CUL2: variants seen among roughly 807,000 people sequenced by gnomAD.
CUL2 encodes the protein cullin 2.
In CUL2, 22 loss-of-function variants were observed where a neutral mutation model predicts 110.2. That is an observed-to-expected ratio of 0.20 (90% CI 0.14 to 0.28). The LOEUF is 0.28. Ranked by LOEUF, CUL2 falls within the 10% of genes least tolerant of loss-of-function variation. The pLI is 1.00. For missense variants in CUL2, 631 were observed against 905.5 expected (o/e 0.70, Z 3.89); for synonymous variants, 279 against 293.2 (o/e 0.95, Z 0.49).
At chr10:35,012,101 T>C (rs1292326412) in intron 19 of CUL2, 137 bp from the exon 20 acceptor site, 1 of 583,416 alleles carries the variant, frequency 1.7e-6, no homozygotes, top group East Asian at 2.9e-5. Flanking sequence ...TCGTCCTGGC[T>C]GGAGTTCAGT....
chr10:35,052,481 A>C (rs1009550680), intron 5 of CUL2, among the ~76,000 whole-genome samples: 3 of 152,214 alleles, frequency 2.0e-5, no homozygotes, highest in Non-Finnish European at 2.9e-5. Flanking sequence ...CATGAGCATA[A>C]GATTTTTCTC....
chr10:35,060,055 T>C (rs1253556560), intron 4 of CUL2, among the ~76,000 whole-genome samples: 1 of 151,370 alleles, frequency 6.6e-6, no homozygotes, highest in East Asian at 1.9e-4. Context: ...AGCTCAGGAG[T>C]TCAAGACCAT....
At chr10:35,071,112 A>G in intron 2 of CUL2, 87 bp downstream of exon 2, 1 of 1,304,826 alleles carries the variant, frequency 7.7e-7, no homozygotes, top group South Asian at 1.3e-5. Context: ...TACATGGGAA[A>G]GTTCTTCCAT....
chr10:35,097,848 A>G (rs1170173380), intron 2 of CUL2, among the ~76,000 whole-genome samples: 1 of 151,990 alleles, frequency 6.6e-6, no homozygotes, highest in African/African-American at 2.4e-5. Flanking sequence ...AGTCCCAGCT[A>G]CTGGGGAGGC....
In CUL2 at chr10:35,016,522, C is replaced by T. The variant is rs2085037594; in HGVS notation, c.1685-128G>A. On this transcript the variant is annotated intron_variant, in intron 17 of 20. Coordinates refer to ENST00000374749, the MANE Select transcript of CUL2 (RefSeq NM_003591.4). ...TTATTAAATTGTTGTAAAGCCACTG[C>T]TGTTAACAAGGTAGTCATTTTGTTT... is the stretch of plus-strand genomic sequence containing the variant. 6.9e-6 allele frequency: 5 copies of T among 721,448 alleles called. 1 individual carries two copies. Among genetic ancestry groups the T allele is most frequent in the South Asian group, 3.8e-5 (2 of 52,732 alleles). 44.7% of individuals were successfully genotyped at this position (721,448 alleles called of 1,614,324 possible).
intron 2 of CUL2, among the ~76,000 whole-genome samples, chr10:35,099,944 C>G (rs1169326018): frequency 6.6e-6 from 1 of 151,938 alleles, no homozygotes; most frequent in Non-Finnish European, 1.5e-5. Context: ...GACTAATATA[C>G]TAAGAATTGT....
chr10:35,044,960 A>C, intron 6 of CUL2, 92 bp from the exon 7 acceptor site: 2 of 827,788 alleles, frequency 2.4e-6, no homozygotes, highest in South Asian at 3.2e-5. Context: ...TCCTTATTCT[A>C]TTGGTCTAAT....
chr10:35,116,191 A>T (rs1434067234), intron 1 of CUL2, among the ~76,000 whole-genome samples: 1 of 151,878 alleles, frequency 6.6e-6, no homozygotes, highest in African/African-American at 2.4e-5. Flanking sequence ...AAAAATACAA[A>T]AATTAGCCAG....
chr10:35,082,234 G>A (rs941800736), intron 1 of CUL2, among the ~76,000 whole-genome samples: 13 of 152,054 alleles, frequency 8.5e-5, no homozygotes, highest in African/African-American at 1.4e-4. Flanking sequence ...AAAAAGTTCC[G>A]ATATATGCTA....
At chr10:35,010,575 G>C (rs570587332) in intron 20 of CUL2, 133 bp from the exon 21 acceptor site, 1 of 720,920 alleles carries the variant, frequency 1.4e-6, no homozygotes, top group African/African-American at 1.9e-5. Flanking sequence ...TATGAAAATA[G>C]GAACTACAAT....
At chr10:35,061,174 A>G (rs992530933) in intron 3 of CUL2, among the ~76,000 whole-genome samples, 1 of 152,206 alleles carries the variant, frequency 6.6e-6, no homozygotes, top group Non-Finnish European at 1.5e-5. Context: ...TGAAGCATCC[A>G]TAATAGAGAA....
At position 35,031,561 on chromosome 10, in the gene CUL2, T is replaced by A; in HGVS notation, c.1229A>T (p.Glu410Val). 1 of 1,614,152 alleles carries A rather than the reference T, an allele frequency of 6.2e-7. No homozygotes were observed. Among genetic ancestry groups the A allele is most frequent in the Non-Finnish European group, 8.5e-7 (1 of 1,179,992 alleles). Reference sequence around the variant, plus strand: ...GAAGCTCGTGAGCCTGTCTTCCACTTCATTCTCTGTCATCCCTTTCGCTGA... The same window carrying A: ...GAAGCTCGTGAGCCTGTCTTCCACTACATTCTCTGTCATCCCTTTCGCTGA... ...KKSAKGMTEN[E>V]VEDRLTSFIT... The change falls in exon 13 of 21, where the codon GAA becomes GTA. Residue 410 changes from glutamate to valine, a missense_variant. Transcript: ENST00000374749. This position sits in a 1 kb window ranked among gnomAD's most constrained non-coding sequence, Gnocchi z 4.4.
intron 1 of CUL2, among the ~76,000 whole-genome samples, chr10:35,082,421 A>G (rs991685378): frequency 6.6e-6 from 1 of 152,152 alleles, no homozygotes; most frequent in Non-Finnish European, 1.5e-5. Flanking sequence ...GCTACTGCCT[A>G]ATGGTTGTAC....
intron 1 of CUL2, among the ~76,000 whole-genome samples, chr10:35,072,494 G>A (rs1351289614): frequency 1.3e-5 from 2 of 151,612 alleles, no homozygotes; most frequent in African/African-American, 2.4e-5. Flanking sequence ...TGAACCTCCC[G>A]AGTAGCTGGG....
chr10:35,060,806 A>C (rs1448366809), intron 4 of CUL2, 68 bp downstream of exon 4: 2 of 1,269,374 alleles, frequency 1.6e-6, no homozygotes, highest in African/African-American at 3.0e-5. Context: ...CAATAAAAAA[A>C]TTATCCTGTC....
chr10:35,073,432 G>A (rs755013132), intron 1 of CUL2, among the ~76,000 whole-genome samples: 11 of 151,974 alleles, frequency 7.2e-5, no homozygotes, highest in Admixed American at 3.9e-4. Context: ...CAAATGATCC[G>A]GAATCAGGCC....
intron 6 of CUL2, among the ~76,000 whole-genome samples, chr10:35,049,203 T>C (rs896365772): frequency 1.3e-5 from 2 of 152,092 alleles, no homozygotes; most frequent in African/African-American, 4.8e-5. Flanking sequence ...GAGCCATGGG[T>C]AGAGTGGGAA....
upstream of CUL2, among the ~76,000 whole-genome samples, chr10:35,092,968 C>T (rs564616283): frequency 2.0e-5 from 3 of 152,244 alleles, no homozygotes; most frequent in African/African-American, 7.2e-5. Flanking sequence ...CCAGTTGCTC[C>T]TATAAATAAC....
Position 35,054,427 on chromosome 10 carries a change from G to A in CUL2, c.423+7C>T. 6.9e-7 allele frequency: 1 copy of A among 1,458,734 alleles called. No individual in the cohort carries two copies. The highest frequency in any genetic ancestry group is 9.5e-7 in the Non-Finnish European group (1 of 1,058,140). The allele number at this position is 1,458,734 out of a possible 1,614,324, so 90.4% of individuals were successfully genotyped here. On this transcript the variant is annotated splice_region_variant and intron_variant, in intron 5 of 20. Coordinates refer to ENST00000374749, the MANE Select transcript of CUL2 (RefSeq NM_003591.4). ...TATGTTTGCTAGTCACTTAAAGAAT[G>A]TCCTACCTCTCCTATTTCCATAAGT...
Sources: gnomAD v4.1 joint callset for allele counts (sites outside exome capture counted in the v4.1 genomes callset) on GRCh38, gnomAD v4.1.1 for gene constraint, Gnocchi (gnomAD v3.1) non-coding constraint, MANE v1.5 for transcripts, NCBI Gene and HGNC (gene_info 2026-07-23, HGNC 2026-07-21) for gene names.